GARIN2: variants seen among roughly 807,000 people sequenced by gnomAD.
GARIN2 encodes Golgi-associated RAB2 interactor protein 2.
chr14:67,205,758 C>T, the GARIN2 span, among the ~76,000 whole-genome samples: 8 of 152,148 alleles, frequency 5.3e-5, no homozygotes, highest in African/African-American at 9.6e-5. Flanking sequence ...TTTGGGCAAA[C>T]GTTAGTGACC....
the GARIN2 span, among the ~76,000 whole-genome samples, chr14:67,193,519 C>A: frequency 7.5e-6 from 1 of 133,696 alleles, no homozygotes; most frequent in East Asian, 2.1e-4. Context: ...ATATATATAT[C>A]TAGATATAGA....
chr14:67,199,012 A>G, the GARIN2 span: 20 of 709,448 alleles, frequency 2.8e-5, no homozygotes, highest in Non-Finnish European at 5.1e-5. Context: ...ACAAGGGAGG[A>G]CAACAGACAC....
At chr14:67,197,533 T>C in the GARIN2 span, among the ~76,000 whole-genome samples, 3 of 152,156 alleles carry the variant, frequency 2.0e-5, no homozygotes, top group East Asian at 5.8e-4. Context: ...GCTGCCTATA[T>C]CAGTGGTCCC....
At chr14:67,200,011 G>A in the GARIN2 span, 6 of 981,378 alleles carry the variant, frequency 6.1e-6, no homozygotes, top group African/African-American at 8.2e-5. Flanking sequence ...TGGACCTCAT[G>A]GTTTAGGACA....
chr14:67,214,079 G>A, the GARIN2 span, among the ~76,000 whole-genome samples: 1 of 152,150 alleles, frequency 6.6e-6, no homozygotes, highest in African/African-American at 2.4e-5. Flanking sequence ...TTTGTCAGAT[G>A]AGTAGGTTGC....
At chr14:67,224,244 T>C in the GARIN2 span, among the ~76,000 whole-genome samples, 1 of 151,060 alleles carries the variant, frequency 6.6e-6, no homozygotes, top group Admixed American at 6.6e-5. Flanking sequence ...GGATCTGAGT[T>C]CATTTCTCTC....
At chr14:67,208,331 C>T in the GARIN2 span, 4 of 1,613,932 alleles carry the variant, frequency 2.5e-6, no homozygotes, top group Non-Finnish European at 3.4e-6. Context: ...AAGATATTTT[C>T]AAACTACCTT....
chr14:67,225,962 T>TGCGCGC, the GARIN2 span, among the ~76,000 whole-genome samples: 4 of 113,488 alleles, frequency 3.5e-5, no homozygotes, highest in Admixed American at 9.7e-5. Flanking sequence ...TGTGTGTGTG[T>TGCGCGC]GCGCGCGCGC....
At chr14:67,207,139 T>C in the GARIN2 span, among the ~76,000 whole-genome samples, 1 of 152,050 alleles carries the variant, frequency 6.6e-6, no homozygotes, top group African/African-American at 2.4e-5. Context: ...AATAGAGGTG[T>C]ATTAGGCCAT....
At chr14:67,221,933 T>G in the GARIN2 span, 1 of 1,170,916 alleles carries the variant, frequency 8.5e-7, no homozygotes, top group Admixed American at 2.4e-5. Flanking sequence ...TGCATTTCCT[T>G]TCTTCACTAT....
At chr14:67,210,408 A>G in the GARIN2 span, among the ~76,000 whole-genome samples, 4 of 152,156 alleles carry the variant, frequency 2.6e-5, no homozygotes, top group Non-Finnish European at 5.9e-5. Flanking sequence ...CAACATAGGG[A>G]GACCCTGTCT....
the GARIN2 span, chr14:67,201,737 GCA>G: frequency 3.0e-6 from 1 of 337,320 alleles, no homozygotes; most frequent in Admixed American, 3.9e-5. Flanking sequence ...AAGAAGAGGG[GCA>G]CAGTTTGGGT....
the GARIN2 span, among the ~76,000 whole-genome samples, chr14:67,217,119 C>A: frequency 6.6e-6 from 1 of 151,822 alleles, no homozygotes; most frequent in African/African-American, 2.4e-5. Context: ...ATTGTTATAT[C>A]TTCACGTTAA....
At chr14:67,190,014 A>ATT in the GARIN2 span, among the ~76,000 whole-genome samples, 6,917 of 113,132 alleles carry the variant, frequency 0.061, 180 homozygotes, top group Middle Eastern at 0.089. Context: ...CTAATTTTGT[A>ATT]TTTTTTTTTT....
the GARIN2 span, among the ~76,000 whole-genome samples, chr14:67,218,021 G>C: frequency 6.6e-6 from 1 of 152,124 alleles, no homozygotes; most frequent in Admixed American, 6.5e-5. Context: ...CAACAGTGTA[G>C]TCTCCATGTA....
the GARIN2 span, chr14:67,205,115 C>T: frequency 2.6e-6 from 4 of 1,530,660 alleles, no homozygotes; most frequent in African/African-American, 5.6e-5. Flanking sequence ...GACTTTCATG[C>T]TTTAATAATC....
the GARIN2 span, chr14:67,199,454 A>G: frequency 6.2e-7 from 1 of 1,613,132 alleles, no homozygotes; most frequent in South Asian, 1.1e-5. Flanking sequence ...AACCCCCAAG[A>G]TTATGTGGGA....
chr14:67,194,194 C>T, the GARIN2 span, among the ~76,000 whole-genome samples: 1 of 151,704 alleles, frequency 6.6e-6, no homozygotes, highest in Admixed American at 6.6e-5. Flanking sequence ...GAAATCCCGT[C>T]TCTACAAAAA....
chr14:67,224,735 A>G, the GARIN2 span: 1 of 268,004 alleles, frequency 3.7e-6, no homozygotes, highest in Non-Finnish European at 7.3e-6. Flanking sequence ...AAGAGAAAGA[A>G]AAATCACATA....
Sources: allele counts gnomAD v4.1 joint callset (sites outside exome capture counted in the v4.1 genomes callset), GRCh38; gene constraint gnomAD v4.1.1; transcripts MANE v1.5; gene names NCBI Gene and HGNC (gene_info 2026-07-23, HGNC 2026-07-21).